Variants in RANBP17 observed in about 807,000 individuals in gnomAD.
The protein encoded by RANBP17 is ran-binding protein 17.
RANBP17 carries 158 observed loss-of-function variants against 141.2 expected under a neutral mutation model. The ratio of observed to expected loss-of-function variants is 1.12; its 90% CI spans 0.98 to 1.28. The LOEUF is 1.28. Ranked by LOEUF, RANBP17 falls within the 50% of genes most tolerant of loss-of-function variation. The pLI, the probability that RANBP17 is intolerant of heterozygous loss-of-function variation, is 0.00. For missense variants in RANBP17, 1,438 were observed against 1,290.7 expected, an observed-to-expected ratio of 1.11 and a Z score of -1.75; for synonymous variants, 430 against 450.0, an observed-to-expected ratio of 0.96 and a Z score of 0.56.
At chr5:170,909,138 C>A (rs1344163527) in intron 5 of RANBP17, among the ~76,000 whole-genome samples, 1 of 151,816 alleles carries the variant, frequency 6.6e-6, no homozygotes, top group Non-Finnish European at 1.5e-5. Flanking sequence ...AGGGAATATA[C>A]TATTGCTTAT....
intron 16 of RANBP17, among the ~76,000 whole-genome samples, chr5:171,180,101 G>A (rs1760780260): frequency 6.6e-6 from 1 of 152,118 alleles, no homozygotes; most frequent in Admixed American, 6.5e-5. Context: ...AGTTTAATGG[G>A]TTACTGCCAG....
At position 171,060,646 on chromosome 5, in the gene RANBP17, A is replaced by C. The variant is rs1162396172; in HGVS notation, c.1710+92269A>C. 2.8e-3 allele frequency among the ~76,000 whole-genome samples: 422 copies of C among 152,036 alleles called. 1 individual carries two copies. The highest frequency in any genetic ancestry group is 9.2e-3 in the African/African-American group (382 of 41,404). On this transcript the variant is annotated intron_variant, in intron 14 of 27. Coordinates refer to ENST00000523189, the MANE Select transcript of RANBP17 (RefSeq NM_022897.5). ...TCTCTTTTTTGGTTGTGTCTCTGCC[A>C]GGCTTTGGTATCAGGATGATGCTGG...
intron 14 of RANBP17, among the ~76,000 whole-genome samples, chr5:171,147,916 A>G (rs932956508): frequency 6.6e-6 from 1 of 152,338 alleles, no homozygotes; most frequent in African/African-American, 2.4e-5. Flanking sequence ...AGAACGGGCC[A>G]TGATGACAAT....
intron 13 of RANBP17, among the ~76,000 whole-genome samples, chr5:170,955,664 A>ATATATATATGCTCAGTG (rs1561928147): frequency 1.6e-5 from 1 of 61,060 alleles, no homozygotes; most frequent in Non-Finnish European, 3.6e-5. Context: ...ATATATATAT[A>ATATATATATGCTCAGTG]TATATATATA....
At chr5:170,865,461 G>A (rs1257542809) in intron 1 of RANBP17, among the ~76,000 whole-genome samples, 1 of 152,204 alleles carries the variant, frequency 6.6e-6, no homozygotes, top group Non-Finnish European at 1.5e-5. Flanking sequence ...TGTCCACTCT[G>A]TTGGACCAGT....
intron 22 of RANBP17, among the ~76,000 whole-genome samples, chr5:171,227,725 G>A (rs1763962653): frequency 6.6e-6 from 1 of 152,216 alleles, no homozygotes; most frequent in Non-Finnish European, 1.5e-5. Context: ...AGGACAGACT[G>A]AGTCTCTTGT....
chr5:171,216,731 G>T (rs965531156), intron 21 of RANBP17, among the ~76,000 whole-genome samples: 31 of 152,264 alleles, frequency 2.0e-4, no homozygotes, highest in South Asian at 4.1e-4. Context: ...TGGTATATAG[G>T]AATGCTTGTG....
At chr5:171,076,262 A>G (rs886560519) in intron 14 of RANBP17, among the ~76,000 whole-genome samples, 3 of 152,220 alleles carry the variant, frequency 2.0e-5, no homozygotes, top group Non-Finnish European at 4.4e-5. Flanking sequence ...TGATAAGATA[A>G]TAAGTAATTT....
At position 171,240,973 on chromosome 5, in the gene RANBP17, A is replaced by G; in HGVS notation, c.2468A>G (p.Tyr823Cys). 6.2e-7 allele frequency: 1 copy of G among 1,613,954 alleles called. No homozygotes were observed. The highest frequency in any genetic ancestry group is 8.5e-7 in the Non-Finnish European group (1 of 1,179,856). The part of the protein sequence containing the change: ...SLGSLSKDQI[Y>C]PMKLKGISIC... ...GGGAGCCTCTCAAAAGATCAGATTT[A>G]TCCAATGAAACTCAAGGGCATCTCC... Residue 823 changes from tyrosine to cysteine, a missense_variant, in exon 23 of 28, where the codon TAT becomes TGT. Physicochemically the swap from Tyr to Cys is radical, Grantham distance 194. Transcript: ENST00000523189.
intron 14 of RANBP17, among the ~76,000 whole-genome samples, chr5:171,067,078 T>C (rs1174630819): frequency 6.6e-6 from 1 of 152,224 alleles, no homozygotes; most frequent in Non-Finnish European, 1.5e-5. Context: ...CTATATGCTT[T>C]TGTTCCTCAG....
At chr5:170,977,373 AG>A (rs1197399586) in intron 14 of RANBP17, among the ~76,000 whole-genome samples, 3 of 152,112 alleles carry the variant, frequency 2.0e-5, no homozygotes, top group Non-Finnish European at 4.4e-5. Flanking sequence ...GTGGAGAAAT[AG>A]GAATCTTCAT....
intron 13 of RANBP17, among the ~76,000 whole-genome samples, chr5:170,965,575 A>T (rs1351378862): frequency 2.0e-5 from 3 of 152,126 alleles, no homozygotes; most frequent in Non-Finnish European, 2.9e-5. Flanking sequence ...TAATTTTTGT[A>T]TAAGGTGTAA....
intron 19 of RANBP17, 130 bp downstream of exon 19, chr5:171,199,903 T>A: frequency 2.1e-6 from 1 of 483,326 alleles, no homozygotes; most frequent in Non-Finnish European, 3.7e-6. Context: ...TGCATGTCTT[T>A]AATTTTTACT....
At chr5:170,953,407 A>G (rs1037626309) in intron 12 of RANBP17, among the ~76,000 whole-genome samples, 190 bp from the exon 13 acceptor site, 2 of 152,114 alleles carry the variant, frequency 1.3e-5, no homozygotes, top group African/African-American at 2.4e-5. Context: ...TCTAAATTCT[A>G]TGCCATTTTC....
chr5:171,147,717 AT>A (rs978388413), intron 14 of RANBP17, among the ~76,000 whole-genome samples: 4 of 152,066 alleles, frequency 2.6e-5, no homozygotes, highest in African/African-American at 9.7e-5. Context: ...CCTGGCCATA[AT>A]CATCTTTTCT....
intron 13 of RANBP17, among the ~76,000 whole-genome samples, chr5:170,960,985 A>G (rs1288930068): frequency 6.6e-6 from 1 of 152,182 alleles, no homozygotes; most frequent in Non-Finnish European, 1.5e-5. Flanking sequence ...ACCTCAAGGG[A>G]TCTGCCTGCC....
intron 20 of RANBP17, chr5:171,207,353 A>G (rs1762636411): frequency 6.6e-6 from 1 of 152,202 alleles, no homozygotes; most frequent in Non-Finnish European, 1.5e-5. Context: ...AGTGTCAAAG[A>G]AGAACTATCT....
At chr5:170,871,786 C>T (rs5951045) in intron 1 of RANBP17, among the ~76,000 whole-genome samples, 23 of 152,286 alleles carry the variant, frequency 1.5e-4, no homozygotes, top group African/African-American at 5.1e-4. Context: ...ATTCTCTCCC[C>T]ATTGCTTGTT....
At chr5:171,115,394 G>A (rs563155970) in intron 14 of RANBP17, among the ~76,000 whole-genome samples, 5 of 152,160 alleles carry the variant, frequency 3.3e-5, no homozygotes, top group African/African-American at 1.2e-4. Flanking sequence ...CAAGATAAAA[G>A]ATAATATTGT....
Sources: allele counts gnomAD v4.1 joint callset (sites outside exome capture counted in the v4.1 genomes callset), GRCh38; gene constraint gnomAD v4.1.1; transcripts MANE v1.5; gene names NCBI Gene and HGNC (gene_info 2026-07-23, HGNC 2026-07-21).